Variants in PDZD8 observed in about 807,000 individuals in gnomAD.
The protein encoded by PDZD8 is PDZ domain containing 8.
In PDZD8, 14 loss-of-function variants were observed where a neutral mutation model predicts 85.8. The ratio of observed to expected loss-of-function variants is 0.16; its 90% CI spans 0.11 to 0.26. The LOEUF (loss-of-function observed/expected upper bound fraction) is 0.26. Ranked by LOEUF, PDZD8 falls within the 10% of genes least tolerant of loss-of-function variation. PDZD8 has a pLI of 1.00. For synonymous variants in PDZD8, 592 were observed against 568.6 expected, an observed-to-expected ratio of 1.04 and a Z score of -0.59; for missense variants, 1,197 against 1,424.3, an observed-to-expected ratio of 0.84 and a Z score of 2.57.
intron 4 of PDZD8, among the ~76,000 whole-genome samples, chr10:117,289,879 A>G (rs1844726342): frequency 6.6e-6 from 1 of 152,202 alleles, no homozygotes; most frequent in South Asian, 2.1e-4. Flanking sequence ...TTACTTTCAC[A>G]TTCAAGAAAA....
Position 117,282,840 on chromosome 10 carries a change from T to C in PDZD8, c.*428A>G, listed in dbSNP as rs1274680249. 1 of 154,812 alleles carries C rather than the reference T, an allele frequency of 6.5e-6. No homozygotes were observed. Among genetic ancestry groups the C allele is most frequent in the African/African-American group, 2.4e-5 (1 of 41,506 alleles). 9.6% of individuals were successfully genotyped at this position (154,812 alleles called of 1,614,324 possible). A position where few individuals can be genotyped will look rare whatever the true frequency, so the allele number is the denominator to read the frequency against. ...TCCCTCAGTGATTGCTGTTGTCAGT[T>C]TGGGCATGCAGCAAATTTGTTATAA... On this transcript the variant is annotated 3_prime_UTR_variant, in exon 5 of 5. Transcript: ENST00000334464.
intron 1 of PDZD8, among the ~76,000 whole-genome samples, chr10:117,364,989 G>T (rs1379845666): frequency 6.6e-6 from 1 of 151,892 alleles, no homozygotes; most frequent in Non-Finnish European, 1.5e-5. Flanking sequence ...TATATAAGAG[G>T]CTTGTATATG....
intron 2 of PDZD8, among the ~76,000 whole-genome samples, chr10:117,337,506 C>T (rs921418119): frequency 6.6e-6 from 1 of 152,184 alleles, no homozygotes; most frequent in Non-Finnish European, 1.5e-5. Context: ...TGCCTTTCCA[C>T]CCTCAAGCTA....
chr10:117,374,675 C>T lies in PDZD8; in HGVS notation c.553G>A (p.Ala185Thr). 6.3e-7 allele frequency: 1 copy of T among 1,588,666 alleles called. No homozygotes were observed. Among genetic ancestry groups the T allele is most frequent in the African/African-American group, 1.3e-5 (1 of 74,622 alleles). The change falls in exon 1 of 5, where the codon GCC becomes ACC. Residue 185 changes from alanine (A) to threonine (T), a missense_variant. This residue lies in a region of PDZD8 where 344 missense variants were observed against 453.6 expected (regional missense o/e 0.76). Coordinates refer to ENST00000334464, the MANE Select transcript of PDZD8 (RefSeq NM_173791.5). This position sits in a 1 kb window ranked among gnomAD's most constrained non-coding sequence, Gnocchi z 7.8. ...TCGAAGGCCAGCTCCTCGGGGCAGG[C>T]GGCGGGCAGCGCCTCCCCTTCAGGG... is the stretch of plus-strand genomic sequence containing the variant. Reference protein sequence around the residue: ...DGPEGEALPAACPEELAFEAE... With the variant: ...DGPEGEALPATCPEELAFEAE...
At chr10:117,349,082 T>A (rs1264245709) in intron 1 of PDZD8, among the ~76,000 whole-genome samples, 2 of 152,180 alleles carry the variant, frequency 1.3e-5, no homozygotes, top group African/African-American at 4.8e-5. Flanking sequence ...TGAAGATACA[T>A]GCCCACAAAA....
chr10:117,350,247 G>GT (rs202115342), intron 1 of PDZD8, among the ~76,000 whole-genome samples: 180 of 127,484 alleles, frequency 1.4e-3, no homozygotes, highest in African/African-American at 4.7e-3. Context: ...TCCAGAATCT[G>GT]TTTTTTTTGT....
At chr10:117,367,347 G>C (rs550824059) in intron 1 of PDZD8, among the ~76,000 whole-genome samples, 13 of 152,122 alleles carry the variant, frequency 8.5e-5, no homozygotes, top group African/African-American at 2.9e-4. Flanking sequence ...GGAGGTGGAG[G>C]TTGCAGTGAG....
intron 3 of PDZD8, among the ~76,000 whole-genome samples, chr10:117,299,391 T>C (rs1164682475): frequency 6.6e-6 from 1 of 152,160 alleles, no homozygotes; most frequent in Non-Finnish European, 1.5e-5. Context: ...TTTCCTCAAT[T>C]ATTCCCTCAA....
chr10:117,353,003 G>A (rs1844833497), intron 1 of PDZD8, among the ~76,000 whole-genome samples: 1 of 152,144 alleles, frequency 6.6e-6, no homozygotes, highest in African/African-American at 2.4e-5. Flanking sequence ...GGAGCCACAG[G>A]AGTGGGGTTG....
chr10:117,362,336 C>T (rs1055094339), intron 1 of PDZD8, among the ~76,000 whole-genome samples: 3 of 152,038 alleles, frequency 2.0e-5, no homozygotes, highest in Non-Finnish European at 2.9e-5. Context: ...TTACATAATT[C>T]TTTTCTCTAA....
intron 4 of PDZD8, among the ~76,000 whole-genome samples, chr10:117,289,355 T>G (rs971133936): frequency 6.6e-6 from 1 of 152,248 alleles, no homozygotes; most frequent in Non-Finnish European, 1.5e-5. Flanking sequence ...ATTTGGGAAC[T>G]GTTCTAACTT....
At chr10:117,373,672 T>C (rs1181885895) in intron 1 of PDZD8, among the ~76,000 whole-genome samples, 1 of 146,844 alleles carries the variant, frequency 6.8e-6, no homozygotes, top group Non-Finnish European at 1.5e-5. Context: ...CCCAGCTACC[T>C]GGGAGGCTGA....
At chr10:117,288,663 C>T (rs950231567) in intron 4 of PDZD8, among the ~76,000 whole-genome samples, 2 of 152,138 alleles carry the variant, frequency 1.3e-5, no homozygotes, top group African/African-American at 4.8e-5. Flanking sequence ...CGCCTGCCAC[C>T]ATGCCCAGCT....
At chr10:117,339,648 G>C (rs1219537764) in intron 2 of PDZD8, among the ~76,000 whole-genome samples, 2 of 152,170 alleles carry the variant, frequency 1.3e-5, no homozygotes, top group Non-Finnish European at 2.9e-5. Flanking sequence ...AGTTTTACTG[G>C]CACACAGCCA....
Position 117,283,189 on chromosome 10 carries a change from G to T in PDZD8, c.*79C>A. The stretch of plus-strand genomic sequence containing the variant: ...AGAAGCAGGCCAGAGTGCATACGAG[G>T]ATTTAAACATGGTTGTATCTGTGGT... On this transcript the variant is annotated 3_prime_UTR_variant, in exon 5 of 5. Transcript: ENST00000334464. 7.1e-7 allele frequency: 1 copy of T among 1,403,868 alleles called. No individual in the cohort carries two copies. Among genetic ancestry groups the T allele is most frequent in the Non-Finnish European group, 9.6e-7 (1 of 1,036,520 alleles). 87.0% of individuals were successfully genotyped at this position (1,403,868 alleles called of 1,614,324 possible).
At chr10:117,307,635 A>G (rs952775506) in intron 3 of PDZD8, among the ~76,000 whole-genome samples, 4 of 152,066 alleles carry the variant, frequency 2.6e-5, no homozygotes, top group African/African-American at 9.7e-5. Flanking sequence ...ACAATTTTCA[A>G]ATATAACCAC....
chr10:117,308,115 T>G (rs1223603097), intron 3 of PDZD8, among the ~76,000 whole-genome samples: 1 of 152,138 alleles, frequency 6.6e-6, no homozygotes, highest in Non-Finnish European at 1.5e-5. Context: ...ATTTCTTATC[T>G]TAAATATTCC....
rs966366124 is a variant in PDZD8 at position 117,375,195 on chromosome 10, G to T, written c.33C>A (p.Ala11=). The change falls in exon 1 of 5, where the codon GCC becomes GCA. Residue 11 remains alanine, a synonymous_variant. Coordinates refer to ENST00000334464, the MANE Select transcript of PDZD8 (RefSeq NM_173791.5). The part of the protein sequence containing the change: MGLLLMILAS[A]VLGSFLTLLA... ...GGAGCGTGAGGAAGGAACCCAGCAC[G>T]GCCGACGCCAGGATCATGAGCAGCA... is the stretch of plus-strand genomic sequence containing the variant. 1.9e-6 allele frequency: 3 copies of T among 1,560,074 alleles called. No homozygotes were observed. The highest frequency in any genetic ancestry group is 2.3e-5 in the East Asian group (1 of 42,960).
chr10:117,332,883 C>G (rs1844444962), intron 2 of PDZD8, among the ~76,000 whole-genome samples: 1 of 150,498 alleles, frequency 6.6e-6, no homozygotes, highest in Non-Finnish European at 1.5e-5. Context: ...TTTGGGGGGC[C>G]AAGGCAGGCA....
Sources: gnomAD v4.1 joint callset for allele counts (sites outside exome capture counted in the v4.1 genomes callset) on GRCh38, gnomAD v4.1.1 for gene constraint, gnomAD v4.1.1 regional missense constraint, Gnocchi (gnomAD v3.1) non-coding constraint, MANE v1.5 for transcripts, NCBI Gene and HGNC (gene_info 2026-07-23, HGNC 2026-07-21) for gene names.